TRPM2: variants seen among roughly 807,000 people sequenced by gnomAD.
TRPM2 encodes estrogen-responsive element-associated gene 1 protein.
In TRPM2, 161 loss-of-function variants were observed where a neutral mutation model predicts 174.0. The observed-to-expected ratio is 0.93, with a 90% confidence interval of 0.81 to 1.05. The LOEUF is 1.05. Among genes scored for constraint, TRPM2 ranks in the 50% least tolerant of loss-of-function variants. The pLI is 0.00. For missense variants in TRPM2, 2,057 were observed against 2,038.0 expected, an observed-to-expected ratio of 1.01 and a Z score of -0.18; for synonymous variants, 954 against 861.3, an observed-to-expected ratio of 1.11 and a Z score of -1.88.
At chr21:44,425,492 C>A in intron 24 of TRPM2, 178 bp from the exon 25 acceptor site, 1 of 664,452 alleles carries the variant, frequency 1.5e-6, no homozygotes, top group East Asian at 3.2e-5. Flanking sequence ...CGTGGCTGTC[C>A]TCCCTGGGGG....
chr21:44,405,929 C>T lies in TRPM2; in HGVS notation c.2682C>T (p.Pro894=), dbSNP rs377507639. 3.4e-5 allele frequency: 55 copies of T among 1,605,694 alleles called. No individual in the cohort carries two copies. The highest frequency in any genetic ancestry group is 8.3e-5 in the Admixed American group (5 of 59,926). Residue 894 remains proline (P), a synonymous_variant, in exon 18 of 32, where the codon CCC becomes CCT. Transcript: ENST00000397928. ...GGCTCATCCCGGCGACGCTGTACCC[C>T]GGGCGCGTCATCCTCTCTCTGGACT... ...TCRLIPATLY[P]GRVILSLDFI...
chr21:44,410,317 T>C (rs1393599551), intron 19 of TRPM2, among the ~76,000 whole-genome samples: 1 of 67,624 alleles, frequency 1.5e-5, no homozygotes, highest in South Asian at 4.4e-4. Context: ...GGCGTAGCCT[T>C]GTAGTAAGTT....
intron 27 of TRPM2, among the ~76,000 whole-genome samples, chr21:44,431,482 T>TA (rs1342189485): frequency 6.6e-6 from 1 of 152,074 alleles, no homozygotes; most frequent in African/African-American, 2.4e-5. Context: ...TAGCTTTTTT[T>TA]ATCTTGAGAT....
chr21:44,406,482 C>T (rs559521256), intron 18 of TRPM2, 112 bp from the exon 19 acceptor site: 15 of 1,310,980 alleles, frequency 1.1e-5, no homozygotes, highest in Admixed American at 7.8e-5. Context: ...TCCTGCATGC[C>T]GTGTCTGTGC....
At position 44,403,456 on chromosome 21, in the gene TRPM2, C is replaced by A. The variant is rs762196445; in HGVS notation, c.2538+1559C>A. Among the ~76,000 whole-genome samples, 8 of 152,262 alleles carry A rather than the reference C, an allele frequency of 5.3e-5. 1 individual carries two copies. The highest frequency in any genetic ancestry group is 6.5e-5 in the Admixed American group (1 of 15,292). ...GCGCCTGACATTGAGGGCGCTGCTC[C>A]AACACACACACACATGCACACACAT... On this transcript the variant is annotated intron_variant, in intron 16 of 31. Coordinates refer to ENST00000397928, the MANE Select transcript of TRPM2 (RefSeq NM_003307.4).
rs530538407 is a variant in TRPM2, at chr21:44,371,264, C to T, written c.771+1921C>T. On this transcript the variant is annotated intron_variant, in intron 5 of 31. Coordinates refer to ENST00000397928, the MANE Select transcript of TRPM2 (RefSeq NM_003307.4). ...CCCTCCAGTCTCTGCCTCCGTGTCC[C>T]GTGGCCGCCTCCCTCCAGTGTCTGC... Among the ~76,000 whole-genome samples, 6 of 150,298 alleles carry T rather than the reference C, an allele frequency of 4.0e-5. No homozygotes were observed. The East Asian group carries it at 5.9e-4, about 15-fold the overall frequency.
At chr21:44,416,358 G>A (rs2050279665) in intron 20 of TRPM2, 1 of 152,352 alleles carries the variant, frequency 6.6e-6, no homozygotes, top group Non-Finnish European at 1.5e-5. Flanking sequence ...TCGAGGCCAA[G>A]GGGCTGGTGG....
intron 9 of TRPM2, among the ~76,000 whole-genome samples, chr21:44,388,062 C>A (rs927864042): frequency 6.6e-6 from 1 of 152,148 alleles, no homozygotes; most frequent in Non-Finnish European, 1.5e-5. Flanking sequence ...CCACTCCCCA[C>A]CCCCAAATTT....
At chr21:44,356,197 GT>G (rs150208447) in intron 2 of TRPM2, among the ~76,000 whole-genome samples, 16 of 137,814 alleles carry the variant, frequency 1.2e-4, no homozygotes, top group East Asian at 2.2e-4. Context: ...ATTTTTAATT[GT>G]TTTTTTTTTC....
intron 19 of TRPM2, among the ~76,000 whole-genome samples, chr21:44,411,001 T>G (rs1420666633): frequency 6.6e-6 from 1 of 151,048 alleles, no homozygotes; most frequent in African/African-American, 2.4e-5. Flanking sequence ...GAGCGTAGCC[T>G]TGTAGTAAGT....
chr21:44,396,990 T>C (rs1244326516), intron 12 of TRPM2, among the ~76,000 whole-genome samples: 1 of 150,258 alleles, frequency 6.7e-6, no homozygotes, highest in African/African-American at 2.5e-5. Context: ...TGGGAAGGAC[T>C]TGGGGCACCT....
intron 29 of TRPM2, among the ~76,000 whole-genome samples, chr21:44,437,806 T>C (rs2051337349): frequency 6.6e-6 from 1 of 152,212 alleles, no homozygotes; most frequent in South Asian, 2.1e-4. Context: ...CAGCCTGGCC[T>C]CCGCAGCCCT....
chr21:44,368,913 T>A (rs1476637839), intron 4 of TRPM2, among the ~76,000 whole-genome samples: 1 of 152,086 alleles, frequency 6.6e-6, no homozygotes. Context: ...AGAGAGGTGC[T>A]GAGAACCGCG....
intron 5 of TRPM2, among the ~76,000 whole-genome samples, chr21:44,370,739 C>T (rs45458601): frequency 0.031 from 4,758 of 152,288 alleles, 238 homozygotes; most frequent in African/African-American, 0.11. Context: ...TGAATGTGTC[C>T]GGCGGGGTCG....
intron 20 of TRPM2, among the ~76,000 whole-genome samples, chr21:44,417,383 C>T (rs1407453308): frequency 2.2e-5 from 2 of 89,282 alleles, no homozygotes; most frequent in Non-Finnish European, 4.6e-5. Flanking sequence ...ACAGTGGGCA[C>T]GTGGGCGTGG....
intron 18 of TRPM2, 129 bp downstream of exon 18, chr21:44,406,166 C>T (rs1267080958): frequency 4.1e-6 from 5 of 1,230,252 alleles, no homozygotes; most frequent in Non-Finnish European, 5.6e-6. Flanking sequence ...CCCTGCTTTG[C>T]CCCTTGGGCT....
At chr21:44,398,594 A>G (rs2049508429) in intron 13 of TRPM2, among the ~76,000 whole-genome samples, 1 of 152,074 alleles carries the variant, frequency 6.6e-6, no homozygotes, top group Non-Finnish European at 1.5e-5. Context: ...ACAGCGGGTC[A>G]AAGTGGGTTC....
chr21:44,360,337 G>C (rs1384976303), intron 2 of TRPM2, among the ~76,000 whole-genome samples: 1 of 152,210 alleles, frequency 6.6e-6, no homozygotes, highest in Non-Finnish European at 1.5e-5. Context: ...CCAGGCGAGG[G>C]GAGGAGGTGG....
intron 2 of TRPM2, among the ~76,000 whole-genome samples, chr21:44,362,348 C>CAAAAAAAAAAAAAAAA (rs57031573): frequency 9.0e-5 from 8 of 89,252 alleles, no homozygotes; most frequent in African/African-American, 2.9e-4. Context: ...ACTAAAAATA[C>CAAAAAAAAAAAAAAAA]AAAAAAAAAA....
Sources: allele counts gnomAD v4.1 joint callset (sites outside exome capture counted in the v4.1 genomes callset), GRCh38; gene constraint gnomAD v4.1.1; transcripts MANE v1.5; gene names NCBI Gene and HGNC (gene_info 2026-07-23, HGNC 2026-07-21).